The following GBP4 variants were observed in gnomAD, a reference collection of about 807,000 sequenced individuals.
GBP4 encodes the protein guanylate binding protein 4, also known as guanylate-binding protein 4.
In GBP4, 69 loss-of-function variants were observed where a neutral mutation model predicts 62.2. The observed-to-expected ratio is 1.11, with a 90% CI of 0.91 to 1.36. GBP4 has a LOEUF of 1.36. GBP4 is among the 40% of genes most tolerant of loss of function. The probability of loss-of-function intolerance (pLI) is 0.00; values close to 1 mark genes in which losing one functional copy is unlikely to be tolerated. For synonymous variants in GBP4, 278 were observed against 274.6 expected, an observed-to-expected ratio of 1.01 and a Z score of -0.12; for missense variants, 697 against 759.3, an observed-to-expected ratio of 0.92 and a Z score of 0.96.
In GBP4 at chr1:89,181,704, T is replaced by C. The variant is rs1197135461; in HGVS notation, c.*3550A>G. On this transcript the variant is annotated 3_prime_UTR_variant, in exon 11 of 11. Coordinates refer to ENST00000355754, the MANE Select transcript of GBP4 (RefSeq NM_052941.5). The stretch of plus-strand genomic sequence containing the variant: ...ACTAGCCAATATGAGACACAGTCAG[T>C]TTCCCTAACTCTGTGCCAGCTCACT... 1 of 152,168 alleles carries C rather than the reference T, an allele frequency of 6.6e-6. No individual in the cohort carries two copies. The highest frequency in any genetic ancestry group is 6.6e-5 in the Admixed American group (1 of 15,266). 9.4% of individuals were successfully genotyped at this position (152,168 alleles called of 1,614,324 possible). A position where few individuals can be genotyped will look rare whatever the true frequency, so the allele number is the denominator to read the frequency against.
At chr1:89,198,029 G>A (rs1170852936) in intron 1 of GBP4, among the ~76,000 whole-genome samples, 4 of 151,988 alleles carry the variant, frequency 2.6e-5, no homozygotes, top group Admixed American at 2.6e-4. Flanking sequence ...GTTGGGGGGA[G>A]GGGTCTAGTT....
intron 3 of GBP4, among the ~76,000 whole-genome samples, chr1:89,194,054 T>A (rs1648262440): frequency 6.6e-6 from 1 of 152,168 alleles, no homozygotes; most frequent in African/African-American, 2.4e-5. Context: ...AGGCAGCAGT[T>A]TGAAAATAGT....
At chr1:89,185,689 G>A (rs1648016713) in intron 10 of GBP4, among the ~76,000 whole-genome samples, 1 of 152,188 alleles carries the variant, frequency 6.6e-6, no homozygotes, top group African/African-American at 2.4e-5. Flanking sequence ...ACATCTCACT[G>A]GAGGTAGAAA....
Position 89,188,635 on chromosome 1 carries a change from C to T in GBP4, c.1357G>A (p.Glu453Lys). 3 of 1,614,194 alleles carry T rather than the reference C, an allele frequency of 1.9e-6. No homozygotes were observed. The highest frequency in any genetic ancestry group is 2.5e-6 in the Non-Finnish European group (3 of 1,180,020). Residue 453 changes from glutamate (E) to lysine (K), a missense_variant, in exon 8 of 11, where the codon GAA becomes AAA. Transcript: ENST00000355754. ...VPGGHNLYLE[E>K]KKQVEWDYKL... ...TAGTCCCACTCAACCTGTTTCTTTTCTTCTAAGTAGAGATTGTGTCCTCCA... is the reference window on the plus strand; with the variant it reads ...TAGTCCCACTCAACCTGTTTCTTTTTTTCTAAGTAGAGATTGTGTCCTCCA...
intron 3 of GBP4, among the ~76,000 whole-genome samples, chr1:89,193,635 A>C (rs1042601528): frequency 3.3e-5 from 5 of 152,224 alleles, no homozygotes; most frequent in Non-Finnish European, 7.4e-5. Context: ...TGTCAATGTG[A>C]GTAACATTCA....
chr1:89,197,381 T>C, intron 1 of GBP4, 77 bp from the exon 2 acceptor site: 1 of 1,166,664 alleles, frequency 8.6e-7, no homozygotes, highest in African/African-American at 1.5e-5. Flanking sequence ...GGCACATACA[T>C]ATTAGCTTTT....
chr1:89,183,436 A>G lies in GBP4; in HGVS notation c.*1818T>C, dbSNP rs1297407876. The G allele has an allele frequency of 6.6e-6, 1 of 152,226 alleles. No individual in the cohort carries two copies. The highest frequency in any genetic ancestry group is 1.5e-5 in the Non-Finnish European group (1 of 68,034). 9.4% of individuals were successfully genotyped at this position (152,226 alleles called of 1,614,324 possible). A position where few individuals can be genotyped will look rare whatever the true frequency, so the allele number is the denominator to read the frequency against. On this transcript the variant is annotated 3_prime_UTR_variant, in exon 11 of 11. Transcript: ENST00000355754. Reference sequence around the variant, plus strand: ...TAAAGACTTAAATATAAAACATTAAACTATAAAAACTCTGAAAAATAACCT... The same window carrying G: ...TAAAGACTTAAATATAAAACATTAAGCTATAAAAACTCTGAAAAATAACCT...
intron 8 of GBP4, among the ~76,000 whole-genome samples, chr1:89,187,916 A>G (rs910969584): frequency 2.0e-5 from 3 of 152,212 alleles, no homozygotes; most frequent in African/African-American, 7.2e-5. Context: ...TCCTCATGGA[A>G]CACAGGACAA....
chr1:89,185,048 G>C lies in GBP4; in HGVS notation c.*206C>G, dbSNP rs1647994931. 4.7e-6 allele frequency: 2 copies of C among 429,184 alleles called. No individual in the cohort carries two copies. Among genetic ancestry groups the C allele is most frequent in the African/African-American group, 2.0e-5 (1 of 48,840 alleles). 26.6% of individuals were successfully genotyped at this position (429,184 alleles called of 1,614,324 possible). A position where few individuals can be genotyped will look rare whatever the true frequency, so the allele number is the denominator to read the frequency against. On this transcript the variant is annotated 3_prime_UTR_variant, in exon 11 of 11. Coordinates refer to ENST00000355754, the MANE Select transcript of GBP4 (RefSeq NM_052941.5). ...TCACTACTTCTGACTTGTTTCCCAT[G>C]TTTATAAATTATTAGTTCAATCAAA...
At chr1:89,188,894 G>A (rs1648110002) in intron 7 of GBP4, 100 bp from the exon 8 acceptor site, 5 of 1,173,658 alleles carry the variant, frequency 4.3e-6, no homozygotes, top group East Asian at 2.3e-5. Context: ...CCTCAGAGTG[G>A]ACTGGGATAT....
intron 6 of GBP4, 143 bp from the exon 7 acceptor site, chr1:89,190,461 T>C (rs1648151903): frequency 1.7e-6 from 1 of 586,892 alleles, no homozygotes; most frequent in East Asian, 3.1e-5. Context: ...TCCTCCTTTT[T>C]CATCTTCCTC....
At position 89,197,135 on chromosome 1, in the gene GBP4, C is replaced by T; in HGVS notation, c.210G>A (p.Met70Ile). 6.2e-7 allele frequency: 1 copy of T among 1,613,490 alleles called. No homozygotes were observed. ...GLYRTGKSYL[M>I]NRLAGKRNGF... The stretch of plus-strand genomic sequence containing the variant: ...CATTGCGCTTTCCTGCAAGACGATT[C>T]ATGAGATAGGATTTTCCTGTGCGGT... Residue 70 changes from methionine (M) to isoleucine (I), a missense_variant, in exon 2 of 11, where the codon ATG (methionine) becomes ATA (isoleucine). Met to Ile is a conservative substitution (Grantham distance 10). Coordinates refer to ENST00000355754, the MANE Select transcript of GBP4 (RefSeq NM_052941.5).
chr1:89,183,589 G>C lies in GBP4; in HGVS notation c.*1665C>G, dbSNP rs951613982. 3.9e-5 allele frequency: 6 copies of C among 152,292 alleles called. No individual in the cohort carries two copies. Among genetic ancestry groups the C allele is most frequent in the African/African-American group, 1.4e-4 (6 of 41,574 alleles). 9.4% of individuals were successfully genotyped at this position (152,292 alleles called of 1,614,324 possible). A position where few individuals can be genotyped will look rare whatever the true frequency, so the allele number is the denominator to read the frequency against. ...ATTAAAGAGCTTCTGCACATCAAAA[G>C]AAACTATTGGCCAGATGTGGTGGCT... On this transcript the variant is annotated 3_prime_UTR_variant, in exon 11 of 11. Transcript: ENST00000355754.
chr1:89,191,571 T>C, intron 5 of GBP4, 65 bp from the exon 6 acceptor site: 6 of 1,524,372 alleles, frequency 3.9e-6, no homozygotes, highest in Non-Finnish European at 5.3e-6. Flanking sequence ...GCTGAGGACT[T>C]TTCCAGGGAT....
At position 89,197,169 on chromosome 1, in the gene GBP4, A is replaced by G; in HGVS notation, c.176T>C (p.Val59Ala). 1.2e-6 allele frequency: 2 copies of G among 1,614,174 alleles called. No individual in the cohort carries two copies. Among genetic ancestry groups the G allele is most frequent in the Non-Finnish European group, 8.5e-7 (1 of 1,180,014 alleles). ...GGATTTTCCTGTGCGGTATAGCCCTACAATGGCCACCACCACCACGGGCTG... is the reference window on the plus strand; with the variant it reads ...GGATTTTCCTGTGCGGTATAGCCCTGCAATGGCCACCACCACCACGGGCTG... Reference protein sequence around the residue: ...ISQPVVVVAIVGLYRTGKSYL... With the variant: ...ISQPVVVVAIAGLYRTGKSYL... The change falls in exon 2 of 11, where the codon GTA becomes GCA. Residue 59 changes from valine (V) to alanine (A), a missense_variant. Around this residue, in one of 2 missense-constraint regions of GBP4, gnomAD observed 556 missense variants for 562.7 expected, o/e 0.99. Coordinates refer to ENST00000355754, the MANE Select transcript of GBP4 (RefSeq NM_052941.5).
intron 3 of GBP4, among the ~76,000 whole-genome samples, chr1:89,193,977 A>G (rs1648260625): frequency 6.6e-6 from 1 of 152,248 alleles, no homozygotes; most frequent in African/African-American, 2.4e-5. Flanking sequence ...AGGGGGAGGC[A>G]CATAAATGTG....
chr1:89,186,229 T>A, intron 10 of GBP4, 104 bp downstream of exon 10: 1 of 838,652 alleles, frequency 1.2e-6, no homozygotes, highest in Non-Finnish European at 1.9e-6. Flanking sequence ...ACAACTTTTG[T>A]GTTTCCTTCT....
At position 89,185,272 on chromosome 1, in the gene GBP4, A is replaced by G; in HGVS notation, c.1905T>C (p.Tyr635=). The part of the protein sequence containing the change: ...ASKLLGVGTK[Y]LGSRI ...CAGGCTCTTAAATACGTGAGCCAAG[A>G]TATTTTGTCCCTACTCCAAGTAGCT... is the stretch of plus-strand genomic sequence containing the variant. Residue 635 remains tyrosine (Y), a synonymous_variant, in exon 11 of 11, where the codon TAT becomes TAC. Transcript: ENST00000355754. The G allele has an allele frequency of 6.2e-7, 1 of 1,607,786 alleles. No individual in the cohort carries two copies. The highest frequency in any genetic ancestry group is 1.1e-5 in the South Asian group (1 of 90,672).
chr1:89,198,737 G>T, intron 1 of GBP4, 58 bp downstream of exon 1: 1 of 1,442,328 alleles, frequency 6.9e-7, no homozygotes, highest in Non-Finnish European at 9.8e-7. Flanking sequence ...TTGGGAATTT[G>T]TTGTTGTTTG....
Sources: gnomAD v4.1 joint callset for allele counts (sites outside exome capture counted in the v4.1 genomes callset) on GRCh38, gnomAD v4.1.1 for gene constraint, gnomAD v4.1.1 regional missense constraint, MANE v1.5 for transcripts, NCBI Gene and HGNC (gene_info 2026-07-23, HGNC 2026-07-21) for gene names.